The following CCDC171 variants were observed in gnomAD, a reference collection of about 807,000 sequenced individuals.
The protein encoded by CCDC171 is coiled-coil domain-containing protein 171.
Under a neutral mutation model 168.2 loss-of-function variants are expected in CCDC171, and 177 were observed. The ratio of observed to expected loss-of-function variants is 1.05; its 90% CI spans 0.93 to 1.19. The LOEUF is 1.19. Ranked by LOEUF, CCDC171 falls within the 50% of genes most tolerant of loss-of-function variation. CCDC171 has a pLI of 0.00. For synonymous variants in CCDC171, 687 were observed against 540.8 expected (o/e 1.27, Z -3.75); for missense variants, 1,991 against 1,539.0 (o/e 1.29, Z -4.91).
intron 6 of CCDC171, among the ~76,000 whole-genome samples, chr9:15,621,889 A>T (rs538853444): frequency 6.6e-6 from 1 of 152,362 alleles, no homozygotes; most frequent in Non-Finnish European, 1.5e-5. Flanking sequence ...CTAAATGCTT[A>T]TCAGTGTTAG....
In CCDC171 at chr9:15,705,121, C is replaced by CACACACACACACAG. The variant is rs1554769336; in HGVS notation, c.1318+9784_1318+9785insACACACACACACAG. Among the ~76,000 whole-genome samples the CACACACACACACAG allele has an allele frequency of 4.7e-5, 7 of 150,176 alleles. No homozygotes were observed. In the East Asian group the frequency reaches 1.2e-3, roughly 25 times the overall value. ...ACACACACACACACACACACACACA[C>CACACACACACACAG]TCTCACTCACTCAGATAACTAAGTG... On this transcript the variant is annotated intron_variant, in intron 11 of 25. Coordinates refer to ENST00000380701, the MANE Select transcript of CCDC171 (RefSeq NM_173550.4).
chr9:15,565,559 TCTA>T (rs1343367539), intron 2 of CCDC171, among the ~76,000 whole-genome samples: 1 of 152,228 alleles, frequency 6.6e-6, no homozygotes, highest in Non-Finnish European at 1.5e-5. Context: ...CTGCTACTAA[TCTA>T]CTTTCTGTTT....
chr9:15,869,513 G>GTTTTTTTTTTTTTTTTTTTT (rs72548935), intron 23 of CCDC171, among the ~76,000 whole-genome samples: 1 of 147,978 alleles, frequency 6.8e-6, no homozygotes. Flanking sequence ...AAAGCGTAGT[G>GTTTTTTTTTTTTTTTTTTTT]TTTTTTTTTT....
chr9:15,932,830 A>G (rs538714299), intron 25 of CCDC171, among the ~76,000 whole-genome samples: 8 of 151,848 alleles, frequency 5.3e-5, no homozygotes, highest in Non-Finnish European at 8.8e-5. Context: ...GAATTTTGTC[A>G]TCCTTTTTCT....
chr9:15,944,957 T>A (rs992899450), intron 25 of CCDC171, among the ~76,000 whole-genome samples: 1 of 151,814 alleles, frequency 6.6e-6, no homozygotes, highest in Non-Finnish European at 1.5e-5. Context: ...TGTATACATG[T>A]GCCATGCTGG....
At chr9:15,738,613 A>G (rs540972834) in intron 16 of CCDC171, among the ~76,000 whole-genome samples, 24 of 152,040 alleles carry the variant, frequency 1.6e-4, no homozygotes, top group Admixed American at 1.4e-3. Flanking sequence ...TGGGTGGAAA[A>G]CATTCGATTT....
In CCDC171 at chr9:15,587,920, T is replaced by C. The variant is rs79379652; in HGVS notation, c.353-3446T>C. Among the ~76,000 whole-genome samples the C allele has an allele frequency of 7.9e-5, 12 of 152,316 alleles. No individual in the cohort carries two copies. The East Asian group carries it at 2.3e-3, about 29-fold the overall frequency. On this transcript the variant is annotated intron_variant, in intron 4 of 25. Coordinates refer to ENST00000380701, the MANE Select transcript of CCDC171 (RefSeq NM_173550.4). ...TCTATGAAGTAAGAACCAGGTGTTA[T>C]AAAAGATGAAATCTATTAGAAATTA...
intron 24 of CCDC171, among the ~76,000 whole-genome samples, chr9:15,892,228 C>T (rs1206706347): frequency 2.6e-5 from 4 of 152,116 alleles, no homozygotes; most frequent in Non-Finnish European, 4.4e-5. Flanking sequence ...GCCAGAACTT[C>T]CAATACTATG....
chr9:15,593,505 C>A (rs1261454111), intron 5 of CCDC171, among the ~76,000 whole-genome samples: 1 of 152,086 alleles, frequency 6.6e-6, no homozygotes, highest in East Asian at 1.9e-4. Context: ...TCTAGAGTTT[C>A]CTTATCCTAA....
At chr9:15,773,760 G>A (rs528061292) in intron 18 of CCDC171, among the ~76,000 whole-genome samples, 177 of 151,308 alleles carry the variant, frequency 1.2e-3, no homozygotes, top group Non-Finnish European at 2.2e-3. Flanking sequence ...TGACCCAAAA[G>A]AAATGCAAGA....
At chr9:15,702,902 G>GTT (rs35364758) in intron 11 of CCDC171, among the ~76,000 whole-genome samples, 4 of 143,120 alleles carry the variant, frequency 2.8e-5, no homozygotes, top group Admixed American at 6.9e-5. Flanking sequence ...TAGGGCCTTG[G>GTT]TTTTTTTTTT....
the CCDC171 span, among the ~76,000 whole-genome samples, chr9:16,080,543 A>C: frequency 3.3e-5 from 5 of 152,192 alleles, no homozygotes; most frequent in Admixed American, 6.5e-5. Flanking sequence ...GACGAGCACT[A>C]TTAAATCTCC....
At chr9:16,086,782 C>A in the CCDC171 span, among the ~76,000 whole-genome samples, 1 of 152,132 alleles carries the variant, frequency 6.6e-6, no homozygotes, top group Non-Finnish European at 1.5e-5. Flanking sequence ...TCTTGCTTCT[C>A]TAGTTCATTT....
chr9:16,010,585 G>A (rs1205245866), intron 3 of CCDC171, among the ~76,000 whole-genome samples: 1 of 152,086 alleles, frequency 6.6e-6, no homozygotes, highest in Non-Finnish European at 1.5e-5. Flanking sequence ...GGCCCACTCA[G>A]CTCTTTTCCT....
chr9:15,572,330 T>G (rs746262459), intron 3 of CCDC171, among the ~76,000 whole-genome samples: 1 of 152,202 alleles, frequency 6.6e-6, no homozygotes, highest in Non-Finnish European at 1.5e-5. Context: ...CTTTTTTCTC[T>G]GATAAGTCTT....
At chr9:15,928,062 T>A (rs1826085098) in intron 25 of CCDC171, among the ~76,000 whole-genome samples, 1 of 151,670 alleles carries the variant, frequency 6.6e-6, no homozygotes, top group Admixed American at 6.6e-5. Context: ...CTCCCTGGCT[T>A]TTAATTAGAA....
Position 15,846,776 on chromosome 9 carries a change from G to C in CCDC171, c.3342G>C (p.Gln1114His). 1 of 1,612,624 alleles carries C rather than the reference G, an allele frequency of 6.2e-7. No individual in the cohort carries two copies. Among genetic ancestry groups the C allele is most frequent in the Non-Finnish European group, 8.5e-7 (1 of 1,179,282 alleles). ...SLRQLNRHLT[Q>H]LEQDKRRLEE... is the part of the protein sequence containing the mutation. The stretch of plus-strand genomic sequence containing the variant: ...GTCAGCTCAATAGACATCTTACCCA[G>C]CTGGAGCAGGACAAGCGTCGACTGG... The change falls in exon 22 of 26, where the codon CAG (glutamine) becomes CAC (histidine). Residue 1114 changes from glutamine to histidine, a missense_variant. Gln to His is a conservative substitution (Grantham distance 24). Coordinates refer to ENST00000380701, the MANE Select transcript of CCDC171 (RefSeq NM_173550.4).
chr9:15,760,233 G>A (rs2056369954), intron 18 of CCDC171, among the ~76,000 whole-genome samples: 1 of 152,104 alleles, frequency 6.6e-6, no homozygotes, highest in Admixed American at 6.5e-5. Flanking sequence ...AAACTGTGGT[G>A]CATGTATGCC....
intron 18 of CCDC171, among the ~76,000 whole-genome samples, chr9:15,758,513 G>A (rs867505667): frequency 6.6e-6 from 1 of 152,130 alleles, no homozygotes; most frequent in Non-Finnish European, 1.5e-5. Flanking sequence ...ATGAGACTTT[G>A]GACTGTGGAC....
Sources: gnomAD v4.1 joint callset for allele counts (sites outside exome capture counted in the v4.1 genomes callset) on GRCh38, gnomAD v4.1.1 for gene constraint, MANE v1.5 for transcripts, NCBI Gene and HGNC (gene_info 2026-07-23, HGNC 2026-07-21) for gene names.